The following SH3GL2 variants were observed in gnomAD, a reference collection of about 807,000 sequenced individuals.
The protein encoded by SH3GL2 is SH3 domain containing GRB2 like 2, endophilin A1, also known as endophilin-A1.
Under a neutral mutation model 46.0 loss-of-function variants are expected in SH3GL2, and 24 were observed. That is an observed-to-expected ratio of 0.52 (90% confidence interval 0.38 to 0.73). The LOEUF is 0.73. Ranked by LOEUF, SH3GL2 falls within the 30% of genes least tolerant of loss-of-function variation. The probability of loss-of-function intolerance (pLI) is 0.00; values close to 1 mark genes in which losing one functional copy is unlikely to be tolerated. For missense variants in SH3GL2, 413 were observed against 424.2 expected, an observed-to-expected ratio of 0.97 and a Z score of 0.23; for synonymous variants, 196 against 147.1, an observed-to-expected ratio of 1.33 and a Z score of -2.40.
At chr9:17,628,221 G>C (rs1048764351) in intron 1 of SH3GL2, among the ~76,000 whole-genome samples, 1 of 152,084 alleles carries the variant, frequency 6.6e-6, no homozygotes. Flanking sequence ...CATTGTTACT[G>C]GCACGTGGGC....
At chr9:17,647,888 C>A (rs966342088) in intron 1 of SH3GL2, among the ~76,000 whole-genome samples, 8 of 152,144 alleles carry the variant, frequency 5.3e-5, no homozygotes, top group Non-Finnish European at 1.0e-4. Flanking sequence ...CCACCTCTGC[C>A]ACCCTTGAGA....
intron 1 of SH3GL2, among the ~76,000 whole-genome samples, chr9:17,722,486 A>G (rs1202114011): frequency 1.3e-5 from 2 of 152,020 alleles, no homozygotes; most frequent in Non-Finnish European, 2.9e-5. Context: ...GAGTGTGGCA[A>G]TGAGTGTGCA....
At chr9:17,706,713 G>A (rs1821481162) in intron 1 of SH3GL2, among the ~76,000 whole-genome samples, 1 of 151,890 alleles carries the variant, frequency 6.6e-6, no homozygotes, top group African/African-American at 2.4e-5. Context: ...CCTGGCTTTA[G>A]ACATCTTATA....
intron 1 of SH3GL2, among the ~76,000 whole-genome samples, chr9:17,642,591 A>G (rs1056239021): frequency 2.0e-5 from 3 of 152,212 alleles, no homozygotes; most frequent in Non-Finnish European, 4.4e-5. Context: ...TTTTCCCAAC[A>G]CCATTGATTA....
At chr9:17,684,873 T>A (rs1282300986) in intron 1 of SH3GL2, among the ~76,000 whole-genome samples, 1 of 152,136 alleles carries the variant, frequency 6.6e-6, no homozygotes, top group African/African-American at 2.4e-5. Context: ...AGTGATCTTA[T>A]TACTCTTCAT....
rs780960703 is a variant in SH3GL2 at position 17,791,221 on chromosome 9, C to A, written c.625-10C>A. On this transcript the variant is annotated splice_polypyrimidine_tract_variant and intron_variant, in intron 6 of 8. Transcript: ENST00000380607. Reference sequence around the variant, plus strand: ...TAAAACTAAGGCATGATTTTCCCATCAATCTGCAGATTGAACAAGTGAGCC... The same window carrying A: ...TAAAACTAAGGCATGATTTTCCCATAAATCTGCAGATTGAACAAGTGAGCC... 3 of 1,600,898 alleles carry A rather than the reference C, an allele frequency of 1.9e-6. No homozygotes were observed. The highest frequency in any genetic ancestry group is 4.5e-5 in the East Asian group (2 of 44,792).
At chr9:17,785,169 C>A (rs1823917715) in intron 3 of SH3GL2, among the ~76,000 whole-genome samples, 1 of 152,112 alleles carries the variant, frequency 6.6e-6, no homozygotes, top group African/African-American at 2.4e-5. Flanking sequence ...AAGATACTTC[C>A]CTCCAGGAAT....
At chr9:17,751,600 A>G (rs2131137304) in intron 2 of SH3GL2, among the ~76,000 whole-genome samples, 1 of 152,106 alleles carries the variant, frequency 6.6e-6, no homozygotes, top group East Asian at 1.9e-4. Context: ...CTGACCTGCT[A>G]GTTCCCTCCC....
chr9:17,657,882 C>G (rs533626664), intron 1 of SH3GL2, among the ~76,000 whole-genome samples: 2 of 152,296 alleles, frequency 1.3e-5, no homozygotes, highest in East Asian at 3.9e-4. Context: ...CCCTACCTCT[C>G]TGTTACCCTG....
chr9:17,711,510 C>T (rs923083990), intron 1 of SH3GL2, among the ~76,000 whole-genome samples: 1 of 151,844 alleles, frequency 6.6e-6, no homozygotes, highest in African/African-American at 2.4e-5. Context: ...GTTATTCTTT[C>T]TCTTACCATA....
At chr9:17,715,967 A>T (rs1821747026) in intron 1 of SH3GL2, among the ~76,000 whole-genome samples, 1 of 152,042 alleles carries the variant, frequency 6.6e-6, no homozygotes, top group African/African-American at 2.4e-5. Flanking sequence ...GTGGGTGTTC[A>T]AAGTATTATT....
chr9:17,656,200 A>T (rs1385685413), intron 1 of SH3GL2, among the ~76,000 whole-genome samples: 1 of 152,096 alleles, frequency 6.6e-6, no homozygotes, highest in Non-Finnish European at 1.5e-5. Context: ...TATCATTTCT[A>T]TTGGAATGTT....
intron 1 of SH3GL2, among the ~76,000 whole-genome samples, chr9:17,746,290 A>G (rs894828831): frequency 6.6e-6 from 1 of 151,998 alleles, no homozygotes. Flanking sequence ...GTTAGCCAGG[A>G]TGGTCTCAAT....
At chr9:17,743,600 A>ACACACACACACACACACC (rs1554645782) in intron 1 of SH3GL2, among the ~76,000 whole-genome samples, 38 of 146,274 alleles carry the variant, frequency 2.6e-4, no homozygotes, top group African/African-American at 2.3e-4. Context: ...ACACACACAC[A>ACACACACACACACACACC]CCCCAAATAG....
At chr9:17,601,338 A>AT (rs1818668604) in intron 1 of SH3GL2, among the ~76,000 whole-genome samples, 1 of 151,998 alleles carries the variant, frequency 6.6e-6, no homozygotes, top group Admixed American at 6.6e-5. Flanking sequence ...TTGAGAGGGT[A>AT]TTTTTAGACT....
chr9:17,743,306 A>T (rs561274664), intron 1 of SH3GL2, among the ~76,000 whole-genome samples: 1 of 152,196 alleles, frequency 6.6e-6, no homozygotes, highest in Admixed American at 6.5e-5. Context: ...AACAATATAG[A>T]TGTTATTTTT....
chr9:17,768,151 C>T (rs1823370211), intron 3 of SH3GL2, among the ~76,000 whole-genome samples: 1 of 151,984 alleles, frequency 6.6e-6, no homozygotes, highest in African/African-American at 2.4e-5. Context: ...GTGGGCGGAT[C>T]ACGAGATCAG....
intron 1 of SH3GL2, among the ~76,000 whole-genome samples, chr9:17,623,069 C>T (rs1819193293): frequency 8.0e-6 from 1 of 124,788 alleles, no homozygotes; most frequent in Non-Finnish European, 1.7e-5. Context: ...CTTCCCCTTC[C>T]CCTTCCCCTT....
chr9:17,676,079 G>C (rs1820601524), intron 1 of SH3GL2, among the ~76,000 whole-genome samples: 2 of 152,232 alleles, frequency 1.3e-5, no homozygotes, highest in East Asian at 3.8e-4. Context: ...GAAAGCAAAA[G>C]ATTTGGCTAG....
Sources: gnomAD v4.1 joint callset for allele counts (sites outside exome capture counted in the v4.1 genomes callset) on GRCh38, gnomAD v4.1.1 for gene constraint, MANE v1.5 for transcripts, NCBI Gene and HGNC (gene_info 2026-07-23, HGNC 2026-07-21) for gene names.